Variants in SOX13 observed in about 807,000 individuals in gnomAD.
SOX13 encodes transcription factor SOX-13.
Under a neutral mutation model 71.8 loss-of-function variants are expected in SOX13, and 28 were observed. The observed-to-expected ratio is 0.39, with a 90% confidence interval of 0.29 to 0.53. The LOEUF (loss-of-function observed/expected upper bound fraction) is 0.53, where lower values mean the gene tolerates loss of function less well. SOX13 is among the 20% of genes least tolerant of loss of function. The probability of loss-of-function intolerance (pLI) is 0.70; values close to 1 mark genes in which losing one functional copy is unlikely to be tolerated. For missense variants in SOX13, 627 were observed against 810.3 expected (o/e 0.77, Z 2.75); for synonymous variants, 309 against 317.8 (o/e 0.97, Z 0.29).
chr1:204,086,668 T>C (rs1354093118), intron 1 of SOX13, among the ~76,000 whole-genome samples: 2 of 152,158 alleles, frequency 1.3e-5, no homozygotes, highest in Non-Finnish European at 2.9e-5. Flanking sequence ...GTCAGAAAGT[T>C]TGGAAGTTTC....
chr1:204,122,420 A>C, intron 9 of SOX13, 21 bp downstream of exon 9: 1 of 1,561,126 alleles, frequency 6.4e-7, no homozygotes, highest in Non-Finnish European at 8.7e-7. Flanking sequence ...TGCTGCCTGC[A>C]CTTGTCCCTC....
intron 7 of SOX13, chr1:204,119,169 T>C (rs1403617037): frequency 6.6e-6 from 1 of 152,326 alleles, no homozygotes; most frequent in Non-Finnish European, 1.5e-5. Context: ...TGCTCCTGCC[T>C]GGTTTGTGCC....
rs745413539 is a variant in SOX13, at chr1:204,116,505, A to G, written c.419-2A>G. 2.5e-6 allele frequency: 4 copies of G among 1,613,642 alleles called. No individual in the cohort carries two copies. The highest frequency in any genetic ancestry group is 3.4e-6 in the Non-Finnish European group (4 of 1,179,712). Reference sequence around the variant, plus strand: ...AATGGGGTCTGTTTCACTGTGGAGCAGGGACCCAAGAGAGCCTAGCAGAGA... The same window carrying G: ...AATGGGGTCTGTTTCACTGTGGAGCGGGGACCCAAGAGAGCCTAGCAGAGA... On this transcript the variant is annotated splice_acceptor_variant, in intron 4 of 13. Transcript: ENST00000367204. LOFTEE classifies it high-confidence loss of function.
intron 1 of SOX13, among the ~76,000 whole-genome samples, chr1:204,096,619 G>C (rs1656257802): frequency 6.6e-6 from 1 of 151,510 alleles, no homozygotes; most frequent in Admixed American, 6.6e-5. Flanking sequence ...GTTTCACCAT[G>C]TTGGCCAGGC....
chr1:204,119,550 G>A (rs1656760809), intron 7 of SOX13: 1 of 152,168 alleles, frequency 6.6e-6, no homozygotes, highest in African/African-American at 2.4e-5. Flanking sequence ...TTTCAACATA[G>A]GAATTGGGGT....
rs1459966418 is a variant in SOX13 at position 204,124,754 on chromosome 1, C to T, written c.1489C>T (p.Pro497Ser). 2 of 1,609,118 alleles carry T rather than the reference C, an allele frequency of 1.2e-6. No homozygotes were observed. Among genetic ancestry groups the T allele is most frequent in the Admixed American group, 3.4e-5 (2 of 59,366 alleles). Reference sequence around the variant, plus strand: ...TCCTGACTACAAGTACAAGCCGCGGCCCAAGCGCACCTGCATCGTGGAGGG... The same window carrying T: ...TCCTGACTACAAGTACAAGCCGCGGTCCAAGCGCACCTGCATCGTGGAGGG... The part of the protein sequence containing the change: ...KYPDYKYKPR[P>S]KRTCIVEGKR... Residue 497 changes from proline to serine, a missense_variant, in exon 13 of 14, where the codon CCC becomes TCC. This residue lies in a region of SOX13 where 148 missense variants were observed against 192.7 expected (regional missense o/e 0.77). Transcript: ENST00000367204.
intron 1 of SOX13, among the ~76,000 whole-genome samples, chr1:204,083,504 G>C (rs971586954): frequency 6.6e-6 from 1 of 152,050 alleles, no homozygotes; most frequent in South Asian, 2.1e-4. Context: ...CTTGCCCTTC[G>C]GGATCCGTGC....
At chr1:204,097,414 G>T (rs113144751) in intron 1 of SOX13, among the ~76,000 whole-genome samples, 2,416 of 152,144 alleles carry the variant, frequency 0.016, 64 homozygotes, top group African/African-American at 0.053. Context: ...TTATGAGGCC[G>T]GGCTCAGTGG....
At chr1:204,112,784 G>C in intron 1 of SOX13, 131 bp from the exon 2 acceptor site, 1 of 635,336 alleles carries the variant, frequency 1.6e-6, no homozygotes, top group Non-Finnish European at 2.8e-6. Flanking sequence ...TGCCCTTTCT[G>C]TGAGTGTGCC....
At chr1:204,103,152 ATC>A (rs1167710068) in intron 1 of SOX13, among the ~76,000 whole-genome samples, 1 of 152,212 alleles carries the variant, frequency 6.6e-6, no homozygotes, top group Non-Finnish European at 1.5e-5. Context: ...AGTTCTTGGA[ATC>A]TCTATTTTAC....
chr1:204,079,999 C>T (rs535677902), intron 1 of SOX13, among the ~76,000 whole-genome samples: 116 of 152,166 alleles, frequency 7.6e-4, no homozygotes, highest in African/African-American at 2.5e-3. Context: ...AGGAGACGTC[C>T]CGAGATCTGT....
intron 13 of SOX13, 71 bp from the exon 14 acceptor site, chr1:204,125,787 C>T: frequency 6.7e-7 from 1 of 1,501,556 alleles, no homozygotes; most frequent in Non-Finnish European, 9.0e-7. Flanking sequence ...TCTGAGGAGG[C>T]CTGGAGGGGA....
chr1:204,120,515 C>A (rs1379505907), intron 7 of SOX13, among the ~76,000 whole-genome samples: 1 of 152,240 alleles, frequency 6.6e-6, no homozygotes, highest in Admixed American at 6.5e-5. Context: ...GTGCTCTGTA[C>A]CCACAGCATG....
At position 204,117,721 on chromosome 1, in the gene SOX13, G is replaced by C; in HGVS notation, c.775+14G>C. 6.3e-7 allele frequency: 1 copy of C among 1,579,332 alleles called. No homozygotes were observed. The highest frequency in any genetic ancestry group is 8.7e-7 in the Non-Finnish European group (1 of 1,150,762). On this transcript the variant is annotated intron_variant, in intron 7 of 13. Coordinates refer to ENST00000367204, the MANE Select transcript of SOX13 (RefSeq NM_005686.3). ...CCTGCAAACCAGGTGAGTGTGAGAA[G>C]GGAGGTTCCACCACTGCGGCCAGCC...
chr1:204,105,115 C>T (rs878364), intron 1 of SOX13, among the ~76,000 whole-genome samples: 35,230 of 152,050 alleles, frequency 0.23, 5,054 homozygotes, highest in South Asian at 0.34. Flanking sequence ...GAGCCACTGT[C>T]CCTCCATGGA....
At chr1:204,114,708 A>ATCCT (rs1465653851) in intron 4 of SOX13, 103 bp downstream of exon 4, 3 of 844,464 alleles carry the variant, frequency 3.6e-6, no homozygotes, top group Non-Finnish European at 6.1e-6. Flanking sequence ...GTACATACCT[A>ATCCT]TCCTGTGCCA....
intron 1 of SOX13, among the ~76,000 whole-genome samples, chr1:204,101,300 G>A (rs1055981383): frequency 6.6e-6 from 1 of 152,114 alleles, no homozygotes; most frequent in African/African-American, 2.4e-5. Context: ...GATGCTGTGT[G>A]GAAGTGCCCA....
chr1:204,095,018 C>G (rs986681701), intron 1 of SOX13, among the ~76,000 whole-genome samples: 2 of 152,180 alleles, frequency 1.3e-5, no homozygotes. Context: ...CTTCTATGAG[C>G]GCAGACCTTC....
At chr1:204,095,221 A>T (rs1188902669) in intron 1 of SOX13, among the ~76,000 whole-genome samples, 1 of 152,224 alleles carries the variant, frequency 6.6e-6, no homozygotes, top group Non-Finnish European at 1.5e-5. Context: ...TAAGATGGAC[A>T]TCCGAGGGGA....
Sources: allele counts gnomAD v4.1 joint callset (sites outside exome capture counted in the v4.1 genomes callset), GRCh38; gene constraint gnomAD v4.1.1; regional missense constraint gnomAD v4.1.1; transcripts MANE v1.5; gene names NCBI Gene and HGNC (gene_info 2026-07-23, HGNC 2026-07-21).